Variants in FAT3 observed in about 807,000 individuals in gnomAD.
FAT3 encodes the protein protocadherin Fat 3.
In FAT3, 95 loss-of-function variants were observed where a neutral mutation model predicts 310.2. The ratio of observed to expected loss-of-function variants is 0.31; its 90% CI spans 0.26 to 0.36. The LOEUF is 0.36. Ranked by LOEUF, FAT3 falls within the 10% of genes least tolerant of loss-of-function variation. The pLI is 1.00. For synonymous variants in FAT3, 2,314 were observed against 2,192.9 expected, an observed-to-expected ratio of 1.06 and a Z score of -1.54; for missense variants, 5,408 against 5,715.6, an observed-to-expected ratio of 0.95 and a Z score of 1.74.
At chr11:92,382,866 G>A (rs1467903847) in intron 2 of FAT3, among the ~76,000 whole-genome samples, 1 of 152,160 alleles carries the variant, frequency 6.6e-6, no homozygotes, top group Non-Finnish European at 1.5e-5. Context: ...GGGTACATGT[G>A]TGGGATGTGC....
intron 1 of FAT3, among the ~76,000 whole-genome samples, chr11:92,279,746 A>G (rs1946373714): frequency 6.6e-6 from 1 of 152,148 alleles, no homozygotes; most frequent in Admixed American, 6.6e-5. Flanking sequence ...TGTTGCTGCT[A>G]ACAAGTCACC....
intron 3 of FAT3, among the ~76,000 whole-genome samples, chr11:92,560,930 A>G (rs1038376228): frequency 6.6e-6 from 1 of 152,194 alleles, no homozygotes; most frequent in Non-Finnish European, 1.5e-5. Flanking sequence ...ATACCAGAGT[A>G]TTTACTGCAA....
intron 17 of FAT3, among the ~76,000 whole-genome samples, chr11:92,838,196 A>G (rs1397755577): frequency 6.6e-6 from 1 of 152,190 alleles, no homozygotes; most frequent in Non-Finnish European, 1.5e-5. Flanking sequence ...CTGCAAAAGA[A>G]TTCTCTTTCC....
chr11:92,773,987 T>G, intron 6 of FAT3, 54 bp from the exon 7 acceptor site: 1 of 1,597,630 alleles, frequency 6.3e-7, no homozygotes, highest in Non-Finnish European at 8.5e-7. Context: ...TATGATATAA[T>G]GCATGTAACA....
intron 1 of FAT3, among the ~76,000 whole-genome samples, chr11:92,263,794 T>C (rs1434694166): frequency 6.6e-6 from 1 of 152,082 alleles, no homozygotes; most frequent in African/African-American, 2.4e-5. Context: ...CTTTTAATTT[T>C]CTCCCTCCCT....
rs117917358 is a variant in FAT3 at position 92,692,924 on chromosome 11, C to T, written c.3608-4460C>T. Among the ~76,000 whole-genome samples the T allele has an allele frequency of 1.4e-4, 22 of 152,254 alleles. No individual in the cohort carries two copies. The East Asian group carries it at 2.3e-3, about 16-fold the overall frequency. ...GTCATGGCAGCAGATTACACAGCTG[C>T]GACCCAGGACACCCACAGGCAGAAA... On this transcript the variant is annotated intron_variant, in intron 3 of 27. Coordinates refer to ENST00000525166, the MANE Select transcript of FAT3 (RefSeq NM_001367949.2).
In FAT3 at chr11:92,354,475, C is replaced by G; in HGVS notation, c.2363C>G (p.Pro788Arg). 6.2e-7 allele frequency: 1 copy of G among 1,613,746 alleles called. No homozygotes were observed. Among genetic ancestry groups the G allele is most frequent in the Non-Finnish European group, 8.5e-7 (1 of 1,179,838 alleles). The change falls in exon 2 of 28, where the codon CCC becomes CGC. Residue 788 changes from proline to arginine, a missense_variant. Pro to Arg is a moderately radical substitution (Grantham distance 103, BLOSUM62 -2). Around this residue, in one of 5 missense-constraint regions of FAT3, gnomAD observed 4,588 missense variants for 4,809.8 expected, o/e 0.95. Transcript: ENST00000525166. ...ACTGGGCAGCTTAAAGTCCTTATGC[C>G]CATGGATCGAGAACACACAGACCTC... ...METGQLKVLM[P>R]MDREHTDLYL...
chr11:92,490,198 T>C (rs770409939), intron 2 of FAT3, among the ~76,000 whole-genome samples: 45 of 152,192 alleles, frequency 3.0e-4, no homozygotes, highest in Non-Finnish European at 5.4e-4. Flanking sequence ...CTGGCTTATA[T>C]GCAGCTAATG....
intron 1 of FAT3, among the ~76,000 whole-genome samples, chr11:92,294,350 C>T (rs768009964): frequency 2.0e-5 from 3 of 152,044 alleles, no homozygotes; most frequent in Non-Finnish European, 2.9e-5. Flanking sequence ...ATTAGGGCTT[C>T]GGCATATGAA....
intron 3 of FAT3, among the ~76,000 whole-genome samples, chr11:92,623,418 C>T (rs902250577): frequency 6.6e-6 from 1 of 152,112 alleles, no homozygotes; most frequent in South Asian, 2.1e-4. Flanking sequence ...GTTAGAATTG[C>T]ATTGAATTGA....
At chr11:92,877,470 G>A (rs1322518007) in intron 22 of FAT3, among the ~76,000 whole-genome samples, 1 of 152,092 alleles carries the variant, frequency 6.6e-6, no homozygotes, top group Non-Finnish European at 1.5e-5. Flanking sequence ...GCTGTACAGG[G>A]GTTAAAGTAA....
At chr11:92,560,089 T>C (rs1027106330) in intron 3 of FAT3, among the ~76,000 whole-genome samples, 1 of 152,182 alleles carries the variant, frequency 6.6e-6, no homozygotes, top group African/African-American at 2.4e-5. Flanking sequence ...TCTATGAGCA[T>C]TTCAGTTTTT....
intron 4 of FAT3, among the ~76,000 whole-genome samples, chr11:92,722,251 A>G (rs1352807445): frequency 1.3e-5 from 2 of 152,182 alleles, no homozygotes; most frequent in African/African-American, 4.8e-5. Context: ...AATGGGAGAA[A>G]TTGGCCAAAA....
At chr11:92,788,060 G>A (rs1437787859) in intron 7 of FAT3, among the ~76,000 whole-genome samples, 1 of 151,972 alleles carries the variant, frequency 6.6e-6, no homozygotes, top group Admixed American at 6.6e-5. Flanking sequence ...TCCTAGCAGC[G>A]GATCATGGTC....
intron 3 of FAT3, among the ~76,000 whole-genome samples, chr11:92,640,970 G>A (rs1591552434): frequency 6.6e-6 from 1 of 152,156 alleles, no homozygotes; most frequent in South Asian, 2.1e-4. Flanking sequence ...ACTTTGGAAG[G>A]TGGATTGTTT....
intron 1 of FAT3, among the ~76,000 whole-genome samples, chr11:92,261,378 G>A (rs1865547523): frequency 6.6e-6 from 1 of 152,072 alleles, no homozygotes; most frequent in Admixed American, 6.6e-5. Context: ...TGCATTGTTT[G>A]TAGACTGAAT....
chr11:92,566,986 T>C (rs1357116549), intron 3 of FAT3, among the ~76,000 whole-genome samples: 4 of 152,104 alleles, frequency 2.6e-5, no homozygotes, highest in African/African-American at 9.7e-5. Context: ...GACAAGGACT[T>C]CATGTCTAAA....
rs143995410 is a variant in FAT3 at position 92,687,665 on chromosome 11, T to C, written c.3608-9719T>C. Among the ~76,000 whole-genome samples the C allele has an allele frequency of 4.3e-3, 657 of 152,304 alleles. 4 individuals carry two copies. Among genetic ancestry groups the C allele is most frequent in the African/African-American group, 0.015 (618 of 41,552 alleles). ...ACTTATTGTTGTATCTTTTTATCTT[T>C]TGCCTTGTGTCCAAATGTGTTTTTG... On this transcript the variant is annotated intron_variant, in intron 3 of 27. Coordinates refer to ENST00000525166, the MANE Select transcript of FAT3 (RefSeq NM_001367949.2).
intron 4 of FAT3, among the ~76,000 whole-genome samples, chr11:92,710,521 C>T (rs1418186082): frequency 2.0e-5 from 3 of 152,162 alleles, no homozygotes; most frequent in Admixed American, 2.0e-4. Context: ...GAGACATAAC[C>T]GCAGCAGACA....
Sources: gnomAD v4.1 joint callset for allele counts (sites outside exome capture counted in the v4.1 genomes callset) on GRCh38, gnomAD v4.1.1 for gene constraint, gnomAD v4.1.1 regional missense constraint, MANE v1.5 for transcripts, NCBI Gene and HGNC (gene_info 2026-07-23, HGNC 2026-07-21) for gene names.